EPS8: variants seen among roughly 807,000 people sequenced by gnomAD.
EPS8 encodes the protein EGFR pathway substrate 8, signaling adaptor.
A neutral mutation model predicts 103.8 loss-of-function variants in EPS8; 42 were observed. The ratio of observed to expected loss-of-function variants is 0.40; its 90% CI spans 0.32 to 0.52. The LOEUF is 0.52. Among genes scored for constraint, EPS8 ranks in the 20% least tolerant of loss-of-function variants. EPS8 has a pLI of 0.40. For synonymous variants in EPS8, 344 were observed against 344.6 expected, an observed-to-expected ratio of 1.00 and a Z score of 0.02; for missense variants, 969 against 1,005.1, an observed-to-expected ratio of 0.96 and a Z score of 0.49.
At chr12:15,672,543 C>T (rs2135857171) in intron 3 of EPS8, 1 of 398,080 alleles carries the variant, frequency 2.5e-6, no homozygotes, top group East Asian at 3.6e-5. Context: ...GATCTGGTTT[C>T]ACCTAAAATT....
At chr12:15,691,873 T>C (rs1946176905) in intron 1 of EPS8, among the ~76,000 whole-genome samples, 2 of 152,194 alleles carry the variant, frequency 1.3e-5, no homozygotes, top group Non-Finnish European at 2.9e-5. Flanking sequence ...AGTGATCCTA[T>C]GTCCCCCTCG....
At position 15,621,449 on chromosome 12, in the gene EPS8, A is replaced by C; in HGVS notation, c.2356-19T>G. On this transcript the variant is annotated intron_variant, in intron 20 of 20. Transcript: ENST00000281172. ...TGCTATCCTGAAAGATAAACAGTTC[A>C]GACAAGATAGTTACTGACTTGTGCA... 1.4e-6 allele frequency: 2 copies of C among 1,402,998 alleles called. No homozygotes were observed. The highest frequency in any genetic ancestry group is 4.7e-5 in the East Asian group (2 of 42,164). 86.9% of individuals were successfully genotyped at this position (1,402,998 alleles called of 1,614,324 possible).
chr12:15,703,822 C>T (rs1268231530), intron 1 of EPS8, among the ~76,000 whole-genome samples: 1 of 146,752 alleles, frequency 6.8e-6, no homozygotes, highest in African/African-American at 2.5e-5. Flanking sequence ...GGAATCTTCC[C>T]ACCTGTATTC....
At chr12:15,766,364 G>A (rs1447242396) in intron 1 of EPS8, among the ~76,000 whole-genome samples, 1 of 151,722 alleles carries the variant, frequency 6.6e-6, no homozygotes, top group Non-Finnish European at 1.5e-5. Flanking sequence ...CTGGTGGTGG[G>A]CACCTGTAGT....
chr12:15,655,596 C>G (rs1351779528), intron 12 of EPS8, among the ~76,000 whole-genome samples: 3 of 152,074 alleles, frequency 2.0e-5, no homozygotes, highest in Non-Finnish European at 4.4e-5. Context: ...AACTTCCAAC[C>G]TCGAACGCAT....
chr12:15,776,853 T>C lies in EPS8; in HGVS notation c.-22+12308A>G, dbSNP rs1947211213. 6.6e-6 allele frequency among the ~76,000 whole-genome samples: 1 copy of C among 152,232 alleles called. No homozygotes were observed. The highest frequency in any genetic ancestry group is 2.4e-5 in the African/African-American group (1 of 41,458). On this transcript the variant is annotated intron_variant, in intron 1 of 20. Coordinates refer to ENST00000281172, the MANE Select transcript of EPS8 (RefSeq NM_004447.6). This position sits in a 1 kb window ranked among gnomAD's most constrained non-coding sequence, Gnocchi z 4.2. Reference sequence around the variant, plus strand: ...CCCAATCATTTTATCACTTTATCTATTAGTTTGGAATCTTATTGAAAATTT... The same window carrying C: ...CCCAATCATTTTATCACTTTATCTACTAGTTTGGAATCTTATTGAAAATTT...
At chr12:15,643,297 T>C (rs1307592231) in intron 15 of EPS8, among the ~76,000 whole-genome samples, 1 of 152,202 alleles carries the variant, frequency 6.6e-6, no homozygotes, top group Non-Finnish European at 1.5e-5. Flanking sequence ...TTTGTTATCT[T>C]GCAGGTCTCA....
At position 15,687,120 on chromosome 12, in the gene EPS8, T is replaced by TA. The variant is rs796848202; in HGVS notation, c.-21-4149dup. Among the ~76,000 whole-genome samples the TA allele has an allele frequency of 3.1e-3, 464 of 149,890 alleles. 3 individuals carry two copies. Among genetic ancestry groups the TA allele is most frequent in the Admixed American group, 3.4e-3 (51 of 15,046 alleles). On this transcript the variant is annotated intron_variant, in intron 1 of 20. Coordinates refer to ENST00000281172, the MANE Select transcript of EPS8 (RefSeq NM_004447.6). ...CTAACAATGATTTTGTTTCAAACAT[T>TA]AAAAAAAAAATCTTCTTTAAACCTC... is the stretch of plus-strand genomic sequence containing the variant.
At chr12:15,647,042 G>T in intron 15 of EPS8, 85 bp downstream of exon 15, 1 of 1,289,648 alleles carries the variant, frequency 7.8e-7, no homozygotes, top group Non-Finnish European at 1.1e-6. Context: ...AGAAGCAGTA[G>T]ACAATACAGA....
In EPS8 at chr12:15,735,692, A is replaced by T. The variant is rs1275137110; in HGVS notation, c.-21-52720T>A. ...TCAAAGCCTACAAATAAACATAGTA[A>T]TCAGGTTATTTAAATTGTAGACCTT... On this transcript the variant is annotated intron_variant, in intron 1 of 20. Coordinates refer to ENST00000281172, the MANE Select transcript of EPS8 (RefSeq NM_004447.6). The surrounding 1 kb of genome is among the most constrained non-coding windows in gnomAD (Gnocchi z 4.4). Among the ~76,000 whole-genome samples, 1 of 152,222 alleles carries T rather than the reference A, an allele frequency of 6.6e-6. No individual in the cohort carries two copies. The highest frequency in any genetic ancestry group is 1.5e-5 in the Non-Finnish European group (1 of 68,036).
chr12:15,788,779 G>A (rs1167503008), intron 1 of EPS8, among the ~76,000 whole-genome samples: 2 of 152,196 alleles, frequency 1.3e-5, no homozygotes, highest in African/African-American at 2.4e-5. Flanking sequence ...CAAATCCCAA[G>A]TCTAACGTAA....
Position 15,736,925 on chromosome 12 carries a change from T to C in EPS8, c.-22+52236A>G, listed in dbSNP as rs1946772458. On this transcript the variant is annotated intron_variant, in intron 1 of 20. Coordinates refer to ENST00000281172, the MANE Select transcript of EPS8 (RefSeq NM_004447.6). This position sits in a 1 kb window ranked among gnomAD's most constrained non-coding sequence, Gnocchi z 4.2. ...TGCTTATAAGAAAAATTATCCTAAATACTTAAAAAAATAAAATCTTCATAT... is the reference window on the plus strand; with the variant it reads ...TGCTTATAAGAAAAATTATCCTAAACACTTAAAAAAATAAAATCTTCATAT... Among the ~76,000 whole-genome samples the C allele has an allele frequency of 6.6e-6, 1 of 152,152 alleles. No individual in the cohort carries two copies.
In EPS8 at chr12:15,658,524, T is replaced by G. The variant is rs760803493; in HGVS notation, c.999A>C (p.Gln333His). Residue 333 changes from glutamine (Q) to histidine (H), a missense_variant, in exon 11 of 21, where the codon CAA becomes CAC. Coordinates refer to ENST00000281172, the MANE Select transcript of EPS8 (RefSeq NM_004447.6). The stretch of plus-strand genomic sequence containing the variant: ...GAAGGTTAAATCCGTGTTTAAACTT[T>G]TGGAAACAGTCAAGAAATTCATCAG... ...PPPDEFLDCF[Q>H]KFKHGFNLLA... The G allele has an allele frequency of 5.6e-6, 9 of 1,612,648 alleles. No individual in the cohort carries two copies. In the African/African-American group the frequency reaches 1.2e-4, roughly 22 times the overall value.
Position 15,760,019 on chromosome 12 carries a change from C to G in EPS8, c.-22+29142G>C, listed in dbSNP as rs557164462. ...GAAAATATAAAAAAAATCAATGAAA[C>G]TAAAAGTTGGTTTTCTAAATAAACA... On this transcript the variant is annotated intron_variant, in intron 1 of 20. Transcript: ENST00000281172. The surrounding 1 kb of genome is among the most constrained non-coding windows in gnomAD (Gnocchi z 4.5). Among the ~76,000 whole-genome samples, 1 of 151,566 alleles carries G rather than the reference C, an allele frequency of 6.6e-6. No homozygotes were observed. Among genetic ancestry groups the G allele is most frequent in the East Asian group, 1.9e-4 (1 of 5,186 alleles).
intron 12 of EPS8, among the ~76,000 whole-genome samples, chr12:15,655,282 C>G (rs1945487354): frequency 6.6e-6 from 1 of 152,184 alleles, no homozygotes; most frequent in Admixed American, 6.5e-5. Flanking sequence ...AGCCTGCGTC[C>G]TCTAAACAAT....
Position 15,779,887 on chromosome 12 carries a change from G to A in EPS8, c.-22+9274C>T, listed in dbSNP as rs1947242903. ...GGTTCTGTTCAGAAACTATGGCTTA[G>A]AATTTTAGACAGGCTTAAACAGGAC... On this transcript the variant is annotated intron_variant, in intron 1 of 20. Transcript: ENST00000281172. The surrounding 1 kb of genome is among the most constrained non-coding windows in gnomAD (Gnocchi z 4.3). Among the ~76,000 whole-genome samples the A allele has an allele frequency of 6.6e-6, 1 of 152,140 alleles. No homozygotes were observed. Among genetic ancestry groups the A allele is most frequent in the African/African-American group, 2.4e-5 (1 of 41,424 alleles).
chr12:15,770,994 G>A (rs1947148447), intron 1 of EPS8, among the ~76,000 whole-genome samples: 1 of 152,146 alleles, frequency 6.6e-6, no homozygotes, highest in African/African-American at 2.4e-5. Flanking sequence ...GCCTACCTTA[G>A]AGGAGCTTGA....
At chr12:15,686,688 T>A (rs1946100506) in intron 1 of EPS8, among the ~76,000 whole-genome samples, 1 of 152,170 alleles carries the variant, frequency 6.6e-6, no homozygotes, top group East Asian at 1.9e-4. Flanking sequence ...TAAATTTGTA[T>A]CAGAAGGTTT....
chr12:15,724,713 A>T (rs1292954839), intron 1 of EPS8, among the ~76,000 whole-genome samples: 1 of 152,124 alleles, frequency 6.6e-6, no homozygotes, highest in Non-Finnish European at 1.5e-5. Flanking sequence ...AATAAATCTC[A>T]AGAGATCTGA....
Sources: allele counts gnomAD v4.1 joint callset (sites outside exome capture counted in the v4.1 genomes callset), GRCh38; gene constraint gnomAD v4.1.1; non-coding constraint Gnocchi (gnomAD v3.1); transcripts MANE v1.5; gene names NCBI Gene and HGNC (gene_info 2026-07-23, HGNC 2026-07-21).